Variants in MSH6 observed in about 807,000 individuals in gnomAD.
MSH6 encodes DNA mismatch repair protein Msh6.
In MSH6, 85 loss-of-function variants were observed where a neutral mutation model predicts 119.1. The observed-to-expected ratio is 0.71, with a 90% CI of 0.60 to 0.85. The LOEUF is 0.85. MSH6 is among the 40% of genes least tolerant of loss of function. The pLI is 0.00. For synonymous variants in MSH6, 830 were observed against 586.9 expected, an observed-to-expected ratio of 1.41 and a Z score of -5.99; for missense variants, 2,163 against 1,655.3, an observed-to-expected ratio of 1.31 and a Z score of -5.32.
intron 1 of MSH6, among the ~76,000 whole-genome samples, chr2:47,788,570 C>CTTTTT (rs531963943): frequency 3.4e-4 from 36 of 104,856 alleles, no homozygotes; most frequent in African/African-American, 6.5e-4. Flanking sequence ...TTTTCTTTTT[C>CTTTTT]TTTTTTTTTT....
chr2:47,804,791 T>C (rs1669853923), intron 5 of MSH6, 119 bp from the exon 6 acceptor site: 4 of 794,714 alleles, frequency 5.0e-6, no homozygotes, highest in Admixed American at 1.8e-5. Context: ...CCAACGTACA[T>C]GTGATTGTGA....
At chr2:47,788,312 T>C (rs1202204918) in intron 1 of MSH6, among the ~76,000 whole-genome samples, 3 of 142,074 alleles carry the variant, frequency 2.1e-5, no homozygotes, top group African/African-American at 7.9e-5. Context: ...TGGAGTGCAG[T>C]GGCACGATCT....
At chr2:47,803,306 A>T in intron 4 of MSH6, 114 bp from the exon 5 acceptor site, 1 of 1,367,686 alleles carries the variant, frequency 7.3e-7, no homozygotes, top group Non-Finnish European at 1.0e-6. Context: ...GTTGGACTGT[A>T]ATTGAAAGTT....
chr2:47,800,697 T>C lies in MSH6; in HGVS notation c.2714T>C (p.Leu905Ser), dbSNP rs587779245. 1.2e-6 allele frequency: 2 copies of C among 1,614,192 alleles called. No homozygotes were observed. The highest frequency in any genetic ancestry group is 1.7e-6 in the Non-Finnish European group (2 of 1,180,040). Residue 905 changes from leucine (L) to serine (S), a missense_variant, in exon 4 of 10, where the codon TTG (leucine) becomes TCG (serine). Leu to Ser is a moderately radical substitution (Grantham distance 145, BLOSUM62 -2). Transcript: ENST00000234420. ...TKNPEGRFPD[L>S]TVELNRWDTA... ...AATCCTGAAGGTCGTTTTCCTGATTTGACTGTAGAATTGAACCGATGGGAT... is the reference window on the plus strand; with the variant it reads ...AATCCTGAAGGTCGTTTTCCTGATTCGACTGTAGAATTGAACCGATGGGAT...
intron 2 of MSH6, among the ~76,000 whole-genome samples, chr2:47,793,934 G>C (rs898357921): frequency 6.6e-6 from 1 of 150,724 alleles, no homozygotes; most frequent in African/African-American, 2.4e-5. Context: ...GTTTCACCAC[G>C]TTGTCCAGGC....
In MSH6 at chr2:47,806,271, T is replaced by C. The variant is rs779615974; in HGVS notation, c.3714T>C (p.Thr1238=). 1.9e-6 allele frequency: 3 copies of C among 1,614,070 alleles called. No individual in the cohort carries two copies. In the East Asian group the frequency reaches 6.7e-5, roughly 36 times the overall value. The change falls in exon 8 of 10, where the codon ACT becomes ACC. Residue 1238 remains threonine, a synonymous_variant. Coordinates refer to ENST00000234420, the MANE Select transcript of MSH6 (RefSeq NM_000179.3). ...ANAVVKELAE[T]IKCRTLFSTH... is the part of the protein sequence containing the mutation. ...CAGTTGTTAAAGAACTTGCTGAGAC[T>C]ATAAAATGTCGTACATTATTTTCAA...
At chr2:47,789,363 A>G (rs1668584086) in intron 1 of MSH6, 1 of 415,348 alleles carries the variant, frequency 2.4e-6, no homozygotes, top group Non-Finnish European at 4.8e-6. Context: ...TCAGAAAGGA[A>G]TTTATTTCAA....
At chr2:47,808,259 TG>T (rs1194699134), downstream of MSH6, 2 of 1,612,546 alleles carry the variant, frequency 1.2e-6, no homozygotes, top group African/African-American at 2.7e-5. Context: ...TAAAGCAAAA[TG>T]AAACCCAAAT....
downstream of MSH6, chr2:47,809,527 G>A (rs1483077364): frequency 1.8e-6 from 2 of 1,105,530 alleles, no homozygotes; most frequent in Non-Finnish European, 2.7e-6. Context: ...AAGGAATCAA[G>A]TTATAAAACG....
At chr2:47,810,092 ATAATCACGAC>A, downstream of MSH6, 5 of 506,044 alleles carry the variant, frequency 9.9e-6, no homozygotes, top group South Asian at 1.7e-4. Context: ...TAAATGTTTC[ATAATCACGAC>A]TAAGCAATAA....
At chr2:47,785,489 A>G (rs1034324916) in intron 1 of MSH6, among the ~76,000 whole-genome samples, 6 of 152,126 alleles carry the variant, frequency 3.9e-5, no homozygotes, top group African/African-American at 9.7e-5. Flanking sequence ...AAGTGCTGGG[A>G]TTACAGGTGT....
At position 47,804,923 on chromosome 2, in the gene MSH6, C is replaced by T. The variant is rs587782625; in HGVS notation, c.3452C>T (p.Ala1151Val). The change falls in exon 6 of 10, where the codon GCT (alanine) becomes GTT (valine). Residue 1151 changes from alanine to valine, a missense_variant. By Grantham distance (64) the Ala-to-Val change is moderately conservative. Coordinates refer to ENST00000234420, the MANE Select transcript of MSH6 (RefSeq NM_000179.3). Reference protein sequence around the residue: ...STLMRQAGLLAVMAQMGCYVP... With the variant: ...STLMRQAGLLVVMAQMGCYVP... ...CCTCATTCACAGGCTGGCTTATTAG[C>T]TGTAATGGCCCAGATGGGTTGTTAC... 1 of 1,613,946 alleles carries T rather than the reference C, an allele frequency of 6.2e-7. No individual in the cohort carries two copies. Among genetic ancestry groups the T allele is most frequent in the Non-Finnish European group, 8.5e-7 (1 of 1,179,802 alleles).
In MSH6 at chr2:47,796,018, A is replaced by G. The variant is rs1392299703; in HGVS notation, c.582A>G (p.Ala194=). The change falls in exon 3 of 10, where the codon GCA becomes GCG. Residue 194 remains alanine, a synonymous_variant. Coordinates refer to ENST00000234420, the MANE Select transcript of MSH6 (RefSeq NM_000179.3). ...ACAAGATTAAGAGGCTTGAATTGGC[A>G]GTTTGTGATGAGCCCTCAGAGCCAG... ...NKDKIKRLEL[A]VCDEPSEPEE... 6.2e-7 allele frequency: 1 copy of G among 1,614,176 alleles called. No individual in the cohort carries two copies. Among genetic ancestry groups the G allele is most frequent in the Non-Finnish European group, 8.5e-7 (1 of 1,180,040 alleles).
Position 47,801,101 on chromosome 2 carries a change from T to G in MSH6, c.3118T>G (p.Phe1040Val). 6 of 1,612,860 alleles carry G rather than the reference T, an allele frequency of 3.7e-6. No homozygotes were observed. Among genetic ancestry groups the G allele is most frequent in the Non-Finnish European group, 3.4e-6 (4 of 1,179,826 alleles). The change falls in exon 4 of 10, where the codon TTT becomes GTT. Residue 1040 changes from phenylalanine (F) to valine (V), a missense_variant. By Grantham distance (50) the Phe-to-Val change is conservative. Transcript: ENST00000234420. ...CTGCATGCGGCGACTGTTCTATAAC[T>G]TTGATAAAAATTACAAGGACTGGCA... The part of the protein sequence containing the change: ...KDCMRRLFYN[F>V]DKNYKDWQSA...
downstream of MSH6, chr2:47,808,661 T>G (rs1572754891): frequency 2.4e-6 from 1 of 416,986 alleles, no homozygotes; most frequent in Non-Finnish European, 4.2e-6. Context: ...GGCAGTTCTT[T>G]CCACTTTAAA....
intron 1 of MSH6, among the ~76,000 whole-genome samples, chr2:47,790,347 C>T (rs756447776): frequency 5.3e-5 from 8 of 152,146 alleles, no homozygotes; most frequent in Non-Finnish European, 1.0e-4. Context: ...TCGCTTGAAC[C>T]GGGGAGGCAC....
rs1553408469 is a variant in MSH6 at position 47,783,495 on chromosome 2, T to G, written c.260+2T>G. 2.1e-6 allele frequency: 3 copies of G among 1,413,486 alleles called. No homozygotes were observed. Among genetic ancestry groups the G allele is most frequent in the Non-Finnish European group, 1.8e-6 (2 of 1,082,652 alleles). 87.6% of individuals were successfully genotyped at this position (1,413,486 alleles called of 1,614,324 possible). A position where few individuals can be genotyped will look rare whatever the true frequency, so the allele number is the denominator to read the frequency against. On this transcript the variant is annotated splice_donor_variant, in intron 1 of 9. Coordinates refer to ENST00000234420, the MANE Select transcript of MSH6 (RefSeq NM_000179.3). LOFTEE classifies it high-confidence loss of function. Reference sequence around the variant, plus strand: ...GGTAGCGCCTGCTGCCCCCACCAGGTAGCGGGGTGGGGGTGGGGTCGAAGG... The same window carrying G: ...GGTAGCGCCTGCTGCCCCCACCAGGGAGCGGGGTGGGGGTGGGGTCGAAGG...
intron 2 of MSH6, among the ~76,000 whole-genome samples, chr2:47,795,034 C>T (rs534561013): frequency 6.6e-6 from 1 of 152,276 alleles, no homozygotes; most frequent in South Asian, 2.1e-4. Flanking sequence ...ACCTCGTGAT[C>T]TGCCTGCTTC....
In MSH6 at chr2:47,800,797, C is replaced by T. The variant is rs1572728798; in HGVS notation, c.2814C>T (p.Asp938=). The change falls in exon 4 of 10, where the codon GAC becomes GAT. Residue 938 remains aspartate (D), a synonymous_variant. Transcript: ENST00000234420. ...AAGCAGGCTTTGACTCTGATTATGA[C>T]CAAGCTCTTGCTGACATAAGAGAAA... ...TPKAGFDSDY[D]QALADIRENE... 2 of 1,614,104 alleles carry T rather than the reference C, an allele frequency of 1.2e-6. No homozygotes were observed. Among genetic ancestry groups the T allele is most frequent in the Non-Finnish European group, 1.7e-6 (2 of 1,180,022 alleles).
Sources: gnomAD v4.1 joint callset for allele counts (sites outside exome capture counted in the v4.1 genomes callset) on GRCh38, gnomAD v4.1.1 for gene constraint, MANE v1.5 for transcripts, NCBI Gene and HGNC (gene_info 2026-07-23, HGNC 2026-07-21) for gene names.